IMMP2L: variants seen among roughly 807,000 people sequenced by gnomAD.
IMMP2L encodes inner mitochondrial membrane peptidase subunit 2.
In IMMP2L, 18 loss-of-function variants were observed where a neutral mutation model predicts 19.3. The observed-to-expected ratio is 0.93, with a 90% CI of 0.64 to 1.38. The LOEUF (loss-of-function observed/expected upper bound fraction) is 1.38, where lower values mean the gene tolerates loss of function less well. IMMP2L is among the 40% of genes most tolerant of loss of function. The pLI is 0.00. For synonymous variants in IMMP2L, 76 were observed against 73.0 expected (o/e 1.04, Z -0.21); for missense variants, 233 against 218.2 (o/e 1.07, Z -0.43).
At chr7:111,095,198 T>G (rs761360690) in intron 3 of IMMP2L, among the ~76,000 whole-genome samples, 1 of 151,964 alleles carries the variant, frequency 6.6e-6, no homozygotes, top group Non-Finnish European at 1.5e-5. Flanking sequence ...GAAAGAGACA[T>G]TAGTAGCTAG....
At chr7:110,859,749 CAAA>C (rs35255934) in intron 5 of IMMP2L, among the ~76,000 whole-genome samples, 2 of 92,812 alleles carry the variant, frequency 2.2e-5, no homozygotes, top group African/African-American at 4.0e-5. Context: ...GACCCTGTCT[CAAA>C]AAAAAAAAAA....
chr7:110,712,273 G>A (rs1188596482), intron 5 of IMMP2L, among the ~76,000 whole-genome samples: 1 of 98,382 alleles, frequency 1.0e-5, no homozygotes, highest in Non-Finnish European at 2.1e-5. Flanking sequence ...CCTGCTGTGT[G>A]AGGTGTCAGT....
chr7:111,415,947 G>A (rs999930553), intron 3 of IMMP2L, among the ~76,000 whole-genome samples: 24 of 151,694 alleles, frequency 1.6e-4, no homozygotes, highest in Admixed American at 1.3e-3. Context: ...CATATCATGA[G>A]TCCTAAATTT....
At chr7:111,493,544 TGCA>T (rs1563264275) in intron 2 of IMMP2L, among the ~76,000 whole-genome samples, 1 of 138,840 alleles carries the variant, frequency 7.2e-6, no homozygotes, top group Non-Finnish European at 1.5e-5. Context: ...CTACCAAAAA[TGCA>T]AAAAAAAATT....
At chr7:111,491,583 A>C (rs773564138) in intron 2 of IMMP2L, among the ~76,000 whole-genome samples, 13 of 152,170 alleles carry the variant, frequency 8.5e-5, no homozygotes, top group Non-Finnish European at 1.5e-4. Context: ...ATATGGTAGC[A>C]TAAGTCCAAA....
intron 4 of IMMP2L, among the ~76,000 whole-genome samples, chr7:110,942,321 A>T (rs2129553122): frequency 6.6e-6 from 1 of 152,142 alleles, no homozygotes; most frequent in East Asian, 1.9e-4. Context: ...GTCAAGATTT[A>T]CAACAAATAC....
At chr7:111,526,166 T>A (rs1846829996) in intron 1 of IMMP2L, among the ~76,000 whole-genome samples, 1 of 152,234 alleles carries the variant, frequency 6.6e-6, no homozygotes. Context: ...AGCATTTATT[T>A]GCTATCAAGC....
intron 3 of IMMP2L, among the ~76,000 whole-genome samples, chr7:111,166,925 T>C (rs539290003): frequency 1.1e-4 from 16 of 152,132 alleles, no homozygotes; most frequent in Admixed American, 3.3e-4. Context: ...AATCTCATCT[T>C]GAGGTCCTTT....
At chr7:110,950,690 G>A (rs1480855878) in intron 4 of IMMP2L, among the ~76,000 whole-genome samples, 1 of 151,422 alleles carries the variant, frequency 6.6e-6, no homozygotes, top group African/African-American at 2.4e-5. Context: ...ACAATGAGGG[G>A]TAGAATGATA....
chr7:110,823,300 C>A (rs920867418), intron 5 of IMMP2L, among the ~76,000 whole-genome samples: 1 of 151,904 alleles, frequency 6.6e-6, no homozygotes, highest in Non-Finnish European at 1.5e-5. Flanking sequence ...AACCTAACTC[C>A]TATATTATAA....
At chr7:110,935,442 G>C (rs1815996418) in intron 4 of IMMP2L, among the ~76,000 whole-genome samples, 1 of 151,740 alleles carries the variant, frequency 6.6e-6, no homozygotes, top group Non-Finnish European at 1.5e-5. Flanking sequence ...TTCTCCTTTT[G>C]TTCAATTTTG....
chr7:111,231,249 T>C (rs1451514531), intron 3 of IMMP2L, among the ~76,000 whole-genome samples: 1 of 151,998 alleles, frequency 6.6e-6, no homozygotes, highest in Non-Finnish European at 1.5e-5. Context: ...ATCATCTATT[T>C]GCTGCTACTA....
At chr7:111,034,620 C>T (rs1313477396) in intron 3 of IMMP2L, among the ~76,000 whole-genome samples, 4 of 151,986 alleles carry the variant, frequency 2.6e-5, no homozygotes, top group Non-Finnish European at 5.9e-5. Flanking sequence ...TTCTATATTG[C>T]GGTATATAGC....
chr7:110,965,124 TG>T (rs762600634), intron 3 of IMMP2L, among the ~76,000 whole-genome samples: 9 of 152,094 alleles, frequency 5.9e-5, no homozygotes, highest in Non-Finnish European at 1.5e-5. Flanking sequence ...TATCTTAATA[TG>T]GTCAATTTCC....
At chr7:110,847,200 A>G (rs1280371543) in intron 5 of IMMP2L, among the ~76,000 whole-genome samples, 2 of 152,194 alleles carry the variant, frequency 1.3e-5, no homozygotes, top group Non-Finnish European at 2.9e-5. Flanking sequence ...AATTAAAGTT[A>G]CAGGACTATT....
intron 5 of IMMP2L, among the ~76,000 whole-genome samples, chr7:110,833,561 C>A (rs1328198947): frequency 6.6e-6 from 1 of 151,864 alleles, no homozygotes; most frequent in Non-Finnish European, 1.5e-5. Flanking sequence ...TTAGAGACTT[C>A]ATAGTACATT....
Position 111,556,021 on chromosome 7 carries a change from TATATATATATATATAC to T in IMMP2L, c.-3+5814_-3+5829del, listed in dbSNP as rs1181029375. On this transcript the variant is annotated intron_variant, in intron 1 of 5. Transcript: ENST00000405709. The stretch of plus-strand genomic sequence containing the variant: ...GCCATCCCTCTTCTGTGTGCATGTA[TATATATATATATATAC>T]ATACCCAAAGAAAATGAAACCGCAA... Among the ~76,000 whole-genome samples, 14 of 129,096 alleles carry T rather than the reference TATATATATATATATAC, an allele frequency of 1.1e-4. 2 individuals carry two copies. Among genetic ancestry groups the T allele is most frequent in the Middle Eastern group, 4.0e-3 (1 of 250 alleles). 84.7% of individuals were successfully genotyped at this position (129,096 alleles called of 152,430 possible).
intron 3 of IMMP2L, among the ~76,000 whole-genome samples, chr7:111,101,507 T>C (rs214888): frequency 0.91 from 137,162 of 151,230 alleles, 62,245 homozygotes; most frequent in East Asian, 0.93. Flanking sequence ...AGTCTTTTTC[T>C]TTTGTCCACT....
At chr7:110,955,182 T>C (rs964549057) in intron 4 of IMMP2L, among the ~76,000 whole-genome samples, 2 of 151,918 alleles carry the variant, frequency 1.3e-5, no homozygotes, top group African/African-American at 2.4e-5. Context: ...AGACATACAG[T>C]TTTTATTAAC....
Sources: gnomAD v4.1 joint callset for allele counts (sites outside exome capture counted in the v4.1 genomes callset) on GRCh38, gnomAD v4.1.1 for gene constraint, MANE v1.5 for transcripts, NCBI Gene and HGNC (gene_info 2026-07-23, HGNC 2026-07-21) for gene names.